ATXN2: variants seen among roughly 807,000 people sequenced by gnomAD.
The protein encoded by ATXN2 is ataxin 2, also known as ataxin-2.
In ATXN2, 37 loss-of-function variants were observed where a neutral mutation model predicts 138.6. The observed-to-expected ratio is 0.27, with a 90% CI of 0.21 to 0.35. The LOEUF (loss-of-function observed/expected upper bound fraction) is 0.35. Ranked by LOEUF, ATXN2 falls within the 10% of genes least tolerant of loss-of-function variation. ATXN2 has a pLI of 1.00. For synonymous variants in ATXN2, 549 were observed against 543.7 expected, an observed-to-expected ratio of 1.01 and a Z score of -0.13; for missense variants, 1,216 against 1,480.3, an observed-to-expected ratio of 0.82 and a Z score of 2.93.
chr12:111,576,566 C>T (rs1406329195), intron 1 of ATXN2, among the ~76,000 whole-genome samples: 4 of 152,038 alleles, frequency 2.6e-5, no homozygotes, highest in African/African-American at 9.7e-5. Flanking sequence ...TCACTGCAAC[C>T]TCTGCCTCCC....
chr12:111,554,315 T>C (rs1213988876), intron 2 of ATXN2, 98 bp from the exon 3 acceptor site: 4 of 806,846 alleles, frequency 5.0e-6, no homozygotes, highest in Non-Finnish European at 7.1e-6. Context: ...AGACTGCGGA[T>C]TTTTTTCGGA....
rs944205627 is a variant in ATXN2, at chr12:111,572,255, G to A, written c.252-16336C>T. ...ATCTCTACTAAATACAAAGAAATTA[G>A]CCGAGCGTGGTGGCACATGCCTATA... On this transcript the variant is annotated intron_variant, in intron 1 of 24. Transcript: ENST00000673436. Among the ~76,000 whole-genome samples, 5 of 151,948 alleles carry A rather than the reference G, an allele frequency of 3.3e-5. No individual in the cohort carries two copies. In the South Asian group the frequency reaches 1.0e-3, roughly 32 times the overall value.
At chr12:111,592,720 T>C (rs748561832) in intron 1 of ATXN2, among the ~76,000 whole-genome samples, 5 of 134,376 alleles carry the variant, frequency 3.7e-5, no homozygotes, top group South Asian at 2.4e-4. Flanking sequence ...GAGGCAAAGG[T>C]TGCAGTAAGC....
chr12:111,530,539 G>T (rs1432992111), intron 5 of ATXN2, among the ~76,000 whole-genome samples: 1 of 152,224 alleles, frequency 6.6e-6, no homozygotes, highest in Non-Finnish European at 1.5e-5. Flanking sequence ...GTATAGCTGG[G>T]AGCGGTGGCT....
At chr12:111,510,268 G>A (rs1879426073) in intron 12 of ATXN2, 117 bp downstream of exon 12, 2 of 1,120,292 alleles carry the variant, frequency 1.8e-6, no homozygotes, top group East Asian at 4.8e-5. Context: ...TTTTAAATGT[G>A]CACTAAAAAT....
In ATXN2 at chr12:111,582,962, C is replaced by G. The variant is rs191265771; in HGVS notation, c.251+15822G>C. 1.1e-3 allele frequency among the ~76,000 whole-genome samples: 162 copies of G among 148,666 alleles called. 2 individuals are homozygous for G. The East Asian group carries it at 0.011, about 10-fold the overall frequency. ...GGATTACAGGCACGAGCCACCGCGC[C>G]CGGCCAGTATCTCAGTTTTTTTTTT... is the stretch of plus-strand genomic sequence containing the variant. On this transcript the variant is annotated intron_variant, in intron 1 of 24. Transcript: ENST00000673436.
chr12:111,547,566 A>C (rs944397045), intron 5 of ATXN2, among the ~76,000 whole-genome samples: 1 of 151,634 alleles, frequency 6.6e-6, no homozygotes, highest in Non-Finnish European at 1.5e-5. Flanking sequence ...TCTCTACTAA[A>C]AATACAAAGT....
At chr12:111,518,519 T>C (rs1423504254) in intron 8 of ATXN2, 92 bp from the exon 9 acceptor site, 6 of 1,341,220 alleles carry the variant, frequency 4.5e-6, no homozygotes, top group Non-Finnish European at 5.0e-6. Context: ...AAGGGAATGC[T>C]TGTTACAAAA....
At chr12:111,562,899 C>T (rs1292289466) in intron 1 of ATXN2, among the ~76,000 whole-genome samples, 4 of 151,998 alleles carry the variant, frequency 2.6e-5, no homozygotes, top group African/African-American at 9.7e-5. Flanking sequence ...CCACAAGATA[C>T]TGATGAAATG....
intron 5 of ATXN2, among the ~76,000 whole-genome samples, chr12:111,525,725 C>T (rs1331435054): frequency 6.6e-6 from 1 of 150,416 alleles, no homozygotes; most frequent in African/African-American, 2.4e-5. Context: ...CGTTCTGTTG[C>T]CCAGGCTGGA....
At chr12:111,506,100 ATATTT>A (rs1196713411) in intron 14 of ATXN2, among the ~76,000 whole-genome samples, 2 of 152,208 alleles carry the variant, frequency 1.3e-5, no homozygotes, top group African/African-American at 4.8e-5. Context: ...TAAAAGCCAC[ATATTT>A]TATTATTCCA....
At chr12:111,558,879 T>C (rs990828829) in intron 1 of ATXN2, among the ~76,000 whole-genome samples, 2 of 151,166 alleles carry the variant, frequency 1.3e-5, no homozygotes, top group Non-Finnish European at 2.9e-5. Context: ...TATGAGCTGA[T>C]AACTATTAAA....
At chr12:111,570,443 A>G (rs1883255954) in intron 1 of ATXN2, among the ~76,000 whole-genome samples, 1 of 152,212 alleles carries the variant, frequency 6.6e-6, no homozygotes, top group Non-Finnish European at 1.5e-5. Context: ...ATTAGCGTTT[A>G]CTTTAAGCTC....
chr12:111,521,754 C>T (rs894275142), intron 6 of ATXN2, among the ~76,000 whole-genome samples: 8 of 152,220 alleles, frequency 5.3e-5, no homozygotes, highest in Non-Finnish European at 8.8e-5. Context: ...AGGGAGGCTG[C>T]CTTCTTTTTT....
intron 15 of ATXN2, among the ~76,000 whole-genome samples, chr12:111,488,273 A>C (rs1055768558): frequency 6.6e-6 from 1 of 152,206 alleles, no homozygotes; most frequent in Non-Finnish European, 1.5e-5. Flanking sequence ...AAAAAGGGGA[A>C]GAACAGAAGA....
At position 111,516,213 on chromosome 12, in the gene ATXN2, G is replaced by A; in HGVS notation, c.1316C>T (p.Pro439Leu). 6.3e-7 allele frequency: 1 copy of A among 1,578,616 alleles called. No individual in the cohort carries two copies. Among genetic ancestry groups the A allele is most frequent in the East Asian group, 2.3e-5 (1 of 44,096 alleles). ...PSRPSRPPSH[P>L]SAHGSPAPVS... The stretch of plus-strand genomic sequence containing the variant: ...AGGAGCTGGAGAACCATGAGCAGAG[G>A]GGTGAGACGGGGGTCTGGATGGCCG... Residue 439 changes from proline to leucine, a missense_variant, in exon 10 of 25, where the codon CCC (proline) becomes CTC (leucine). Coordinates refer to ENST00000673436, the MANE Select transcript of ATXN2 (RefSeq NM_001372574.1). The surrounding 1 kb of genome is among the most constrained non-coding windows in gnomAD (Gnocchi z 5.0).
chr12:111,592,235 C>T (rs902531221), intron 1 of ATXN2, among the ~76,000 whole-genome samples: 9 of 151,602 alleles, frequency 5.9e-5, no homozygotes, highest in Non-Finnish European at 1.3e-4. Context: ...ACTAAAAATG[C>T]AAAACTTAGC....
At chr12:111,525,431 A>T (rs907443508) in intron 5 of ATXN2, 115 bp from the exon 6 acceptor site, 3 of 1,193,144 alleles carry the variant, frequency 2.5e-6, no homozygotes. Context: ...AATGAATTTC[A>T]CATAATTGTT....
chr12:111,504,010 A>G (rs1169300970), intron 14 of ATXN2, among the ~76,000 whole-genome samples: 1 of 152,264 alleles, frequency 6.6e-6, no homozygotes, highest in Non-Finnish European at 1.5e-5. Context: ...TAGTAAGACT[A>G]AAACTCCTAA....
Sources: gnomAD v4.1 joint callset for allele counts (sites outside exome capture counted in the v4.1 genomes callset) on GRCh38, gnomAD v4.1.1 for gene constraint, Gnocchi (gnomAD v3.1) non-coding constraint, MANE v1.5 for transcripts, NCBI Gene and HGNC (gene_info 2026-07-23, HGNC 2026-07-21) for gene names.